XKR9: variants seen among roughly 807,000 people sequenced by gnomAD.
XKR9 encodes XK related 9.
In XKR9, 32 loss-of-function variants were observed where a neutral mutation model predicts 32.0. The ratio of observed to expected loss-of-function variants is 1.00; its 90% CI spans 0.76 to 1.34. The LOEUF (loss-of-function observed/expected upper bound fraction) is 1.34, where lower values mean the gene tolerates loss of function less well. Among genes scored for constraint, XKR9 ranks in the 40% most tolerant of loss-of-function variants. The pLI is 0.00. For synonymous variants in XKR9, 168 were observed against 143.4 expected, an observed-to-expected ratio of 1.17 and a Z score of -1.22; for missense variants, 546 against 429.7, an observed-to-expected ratio of 1.27 and a Z score of -2.39.
Position 70,735,487 on chromosome 8 carries a change from A to G in XKR9, c.*1063A>G, listed in dbSNP as rs954349423. 1.3e-4 allele frequency: 19 copies of G among 150,942 alleles called. No homozygotes were observed. The highest frequency in any genetic ancestry group is 3.4e-3 in the Middle Eastern group (1 of 292). 9.4% of individuals were successfully genotyped at this position (150,942 alleles called of 1,614,324 possible). A position where few individuals can be genotyped will look rare whatever the true frequency, so the allele number is the denominator to read the frequency against. On this transcript the variant is annotated 3_prime_UTR_variant, in exon 5 of 5. Transcript: ENST00000408926. Reference sequence around the variant, plus strand: ...TTATTATTATTATTATTATACTTTAAGGTTTAGGGTACATGTGCACAATGT... The same window carrying G: ...TTATTATTATTATTATTATACTTTAGGGTTTAGGGTACATGTGCACAATGT...
the XKR9 span, among the ~76,000 whole-genome samples, chr8:70,845,139 G>T: frequency 0.063 from 9,567 of 152,270 alleles, 422 homozygotes; most frequent in Non-Finnish European, 0.089. Flanking sequence ...ATTAACAACT[G>T]CAGCCTATAC....
At chr8:71,041,435 TTGCTAG>T in the XKR9 span, among the ~76,000 whole-genome samples, 2 of 152,184 alleles carry the variant, frequency 1.3e-5, no homozygotes, top group Non-Finnish European at 2.9e-5. Flanking sequence ...AAATCAGAGA[TTGCTAG>T]TGCCGATCAA....
chr8:70,686,647 T>A (rs976634377), intron 3 of XKR9, among the ~76,000 whole-genome samples: 2 of 152,092 alleles, frequency 1.3e-5, no homozygotes, highest in Non-Finnish European at 2.9e-5. Context: ...TTTTACCATG[T>A]TGCCCAGGCT....
At chr8:71,015,525 G>A in the XKR9 span, among the ~76,000 whole-genome samples, 1 of 152,048 alleles carries the variant, frequency 6.6e-6, no homozygotes, top group African/African-American at 2.4e-5. Context: ...GTCTTGATTT[G>A]GTCATCTGTA....
chr8:70,930,234 C>G, the XKR9 span, among the ~76,000 whole-genome samples: 1 of 152,192 alleles, frequency 6.6e-6, no homozygotes, highest in East Asian at 1.9e-4. Flanking sequence ...TTTAGCTTAG[C>G]TTTTAATGCT....
chr8:70,857,035 T>C, the XKR9 span, among the ~76,000 whole-genome samples: 70 of 152,164 alleles, frequency 4.6e-4, no homozygotes, highest in African/African-American at 1.6e-3. Context: ...AGATCTAAAA[T>C]TAATACCCTA....
At chr8:70,782,142 A>AG (rs11368781) in intron 2 of XKR9, among the ~76,000 whole-genome samples, 48,529 of 152,086 alleles carry the variant, frequency 0.32, 9,119 homozygotes, top group Non-Finnish European at 0.43. Flanking sequence ...GGAAACATGT[A>AG]GGAATGTGAA....
chr8:70,952,170 A>G, the XKR9 span, among the ~76,000 whole-genome samples: 1 of 151,958 alleles, frequency 6.6e-6, no homozygotes, highest in Non-Finnish European at 1.5e-5. Flanking sequence ...ACACACACAC[A>G]CACACACACA....
the XKR9 span, among the ~76,000 whole-genome samples, chr8:70,815,210 G>T: frequency 6.6e-6 from 1 of 151,992 alleles, no homozygotes; most frequent in African/African-American, 2.4e-5. Context: ...GTGCAGGTTT[G>T]TTATATAGGT....
At chr8:70,781,983 A>T (rs1807623577) in intron 2 of XKR9, among the ~76,000 whole-genome samples, 2 of 152,186 alleles carry the variant, frequency 1.3e-5, no homozygotes, top group African/African-American at 4.8e-5. Context: ...ACTTTACAAG[A>T]CACACTTACA....
the XKR9 span, among the ~76,000 whole-genome samples, chr8:70,808,559 G>A: frequency 1.3e-5 from 2 of 152,178 alleles, no homozygotes; most frequent in African/African-American, 2.4e-5. Flanking sequence ...AAGGAAAGGG[G>A]TGACAGACAG....
At chr8:70,844,614 C>G in the XKR9 span, among the ~76,000 whole-genome samples, 5 of 152,230 alleles carry the variant, frequency 3.3e-5, no homozygotes, top group African/African-American at 1.2e-4. Context: ...CTGCTCACCC[C>G]TACTTCTCTC....
chr8:70,970,034 A>G, the XKR9 span, among the ~76,000 whole-genome samples: 4 of 152,226 alleles, frequency 2.6e-5, no homozygotes, highest in Non-Finnish European at 5.9e-5. Flanking sequence ...CACTTAGATT[A>G]GTAGTCTCCA....
chr8:71,060,986 G>A, the XKR9 span, among the ~76,000 whole-genome samples: 2 of 152,220 alleles, frequency 1.3e-5, no homozygotes. Flanking sequence ...GAGGGCGTAT[G>A]TACCAGGCAC....
At chr8:70,739,456 A>G (rs1465814095), downstream of XKR9, among the ~76,000 whole-genome samples, 1 of 152,186 alleles carries the variant, frequency 6.6e-6, no homozygotes, top group Non-Finnish European at 1.5e-5. Flanking sequence ...TGGAGCATTT[A>G]GTCCATTTAC....
At chr8:70,732,837 G>A (rs1806717234) in intron 4 of XKR9, among the ~76,000 whole-genome samples, 1 of 152,182 alleles carries the variant, frequency 6.6e-6, no homozygotes, top group Non-Finnish European at 1.5e-5. Flanking sequence ...AAAGTGGTAG[G>A]CCAGGTGCAG....
At chr8:70,764,250 A>C (rs553452289) in intron 2 of XKR9, among the ~76,000 whole-genome samples, 1 of 152,206 alleles carries the variant, frequency 6.6e-6, no homozygotes, top group Non-Finnish European at 1.5e-5. Context: ...CTCTGCTGGG[A>C]CTGTACCATA....
the XKR9 span, among the ~76,000 whole-genome samples, chr8:71,055,163 C>T: frequency 2.0e-5 from 3 of 152,154 alleles, no homozygotes; most frequent in African/African-American, 7.2e-5. Flanking sequence ...ATTTATGACA[C>T]CAATATATTG....
the XKR9 span, among the ~76,000 whole-genome samples, chr8:70,851,032 C>A: frequency 6.6e-6 from 1 of 152,022 alleles, no homozygotes. Context: ...TTTAGAAAAC[C>A]CCATCGTCTC....
Sources: allele counts gnomAD v4.1 joint callset (sites outside exome capture counted in the v4.1 genomes callset), GRCh38; gene constraint gnomAD v4.1.1; transcripts MANE v1.5; gene names NCBI Gene and HGNC (gene_info 2026-07-23, HGNC 2026-07-21).